Variants in PRKG1 observed in about 807,000 individuals in gnomAD.
PRKG1 encodes protein kinase cGMP-dependent 1.
A neutral mutation model predicts 88.1 loss-of-function variants in PRKG1; 35 were observed. That is an observed-to-expected ratio of 0.40 (90% CI 0.30 to 0.53). PRKG1 has a LOEUF of 0.53. PRKG1 is among the 20% of genes least tolerant of loss of function. The pLI is 0.59. For synonymous variants in PRKG1, 303 were observed against 292.5 expected (o/e 1.04, Z -0.37); for missense variants, 540 against 839.8 (o/e 0.64, Z 4.41).
At chr10:52,001,367 A>C (rs1398779064) in intron 5 of PRKG1, among the ~76,000 whole-genome samples, 1 of 151,232 alleles carries the variant, frequency 6.6e-6, no homozygotes, top group African/African-American at 2.4e-5. Flanking sequence ...CTCACCATAA[A>C]AAAAAAAAAC....
chr10:51,460,044 C>T (rs1392420784), intron 2 of PRKG1, among the ~76,000 whole-genome samples: 6 of 152,078 alleles, frequency 3.9e-5, no homozygotes, highest in Non-Finnish European at 7.4e-5. Flanking sequence ...TCTGGCACTA[C>T]TGACACTGGG....
intron 3 of PRKG1, among the ~76,000 whole-genome samples, chr10:51,777,631 G>C (rs1360572450): frequency 6.6e-6 from 1 of 152,084 alleles, no homozygotes; most frequent in East Asian, 1.9e-4. Flanking sequence ...TTATTGCCAA[G>C]AGTCCATAGT....
chr10:52,048,981 G>C (rs573929833), intron 5 of PRKG1, among the ~76,000 whole-genome samples: 1 of 152,090 alleles, frequency 6.6e-6, no homozygotes, highest in African/African-American at 2.4e-5. Flanking sequence ...TCCAGGTAAC[G>C]GGGGGAGGAG....
intron 3 of PRKG1, among the ~76,000 whole-genome samples, chr10:51,676,789 G>A (rs1840722450): frequency 6.6e-6 from 1 of 152,142 alleles, no homozygotes; most frequent in Admixed American, 6.6e-5. Flanking sequence ...AATAGCGGGT[G>A]TCTCATTAAT....
At chr10:52,038,029 C>T (rs535856330) in intron 5 of PRKG1, among the ~76,000 whole-genome samples, 53 of 152,244 alleles carry the variant, frequency 3.5e-4, no homozygotes, top group Non-Finnish European at 6.9e-4. Flanking sequence ...TATTTTACGA[C>T]AAGAATTACT....
At chr10:52,107,343 C>A (rs1202676719) in intron 7 of PRKG1, among the ~76,000 whole-genome samples, 1 of 152,166 alleles carries the variant, frequency 6.6e-6, no homozygotes, top group African/African-American at 2.4e-5. Context: ...CTCTGTTCTG[C>A]TGTATTTTAA....
chr10:51,485,979 T>C (rs1840524216), intron 3 of PRKG1, among the ~76,000 whole-genome samples: 1 of 152,216 alleles, frequency 6.6e-6, no homozygotes, highest in South Asian at 2.1e-4. Context: ...CATCTCTTCA[T>C]TTTATAAAGA....
chr10:51,650,904 C>T (rs1011986847), intron 3 of PRKG1, among the ~76,000 whole-genome samples: 1 of 152,156 alleles, frequency 6.6e-6, no homozygotes, highest in Non-Finnish European at 1.5e-5. Context: ...CCTGTGATCT[C>T]ACCAAAAGTA....
chr10:51,723,614 T>C (rs1287760817), intron 3 of PRKG1, among the ~76,000 whole-genome samples: 9 of 106,790 alleles, frequency 8.4e-5, no homozygotes, highest in Non-Finnish European at 1.5e-4. Context: ...ACTTAAAGCA[T>C]GACAAAAAAA....
At chr10:51,758,675 AT>A (rs1010214686) in intron 3 of PRKG1, among the ~76,000 whole-genome samples, 3 of 150,210 alleles carry the variant, frequency 2.0e-5, no homozygotes, top group African/African-American at 7.3e-5. Flanking sequence ...CAGGCCTGTG[AT>A]TTTTTTTTTA....
chr10:51,393,023 G>C (rs167136), intron 2 of PRKG1, among the ~76,000 whole-genome samples: 2,343 of 150,474 alleles, frequency 0.016, 78 homozygotes, highest in African/African-American at 0.055. Flanking sequence ...CTTCCCAGAC[G>C]GGGTGGTTGC....
chr10:51,844,738 T>C (rs1245656790), intron 4 of PRKG1, among the ~76,000 whole-genome samples: 1 of 152,048 alleles, frequency 6.6e-6, no homozygotes, highest in Non-Finnish European at 1.5e-5. Context: ...ACTGGGCAGG[T>C]CAATAAATAG....
At chr10:52,193,563 C>CAAAAAAAAAAAAAAAAAAA (rs67349420) in intron 9 of PRKG1, among the ~76,000 whole-genome samples, 8 of 118,492 alleles carry the variant, frequency 6.8e-5, no homozygotes, top group African/African-American at 2.7e-4. Flanking sequence ...AAAAAAAAAA[C>CAAAAAAAAAAAAAAAAAAA]AAAAAAAAAA....
chr10:51,854,313 A>G (rs1466804094), intron 4 of PRKG1, among the ~76,000 whole-genome samples: 1 of 152,152 alleles, frequency 6.6e-6, no homozygotes, highest in Non-Finnish European at 1.5e-5. Flanking sequence ...CAGCTCACTG[A>G]GAAGACAAAT....
chr10:51,984,330 T>A (rs1241572626), intron 5 of PRKG1, among the ~76,000 whole-genome samples: 1 of 152,242 alleles, frequency 6.6e-6, no homozygotes, highest in Non-Finnish European at 1.5e-5. Flanking sequence ...TAAAGTGGCA[T>A]TGGTAACTGC....
chr10:51,069,756 A>G (rs966445561), upstream of PRKG1, among the ~76,000 whole-genome samples: 1 of 152,134 alleles, frequency 6.6e-6, no homozygotes, highest in African/African-American at 2.4e-5. Context: ...AAATATTTAT[A>G]AACTAGAGAA....
At chr10:51,508,821 T>G (rs1261899658) in intron 3 of PRKG1, among the ~76,000 whole-genome samples, 1 of 152,180 alleles carries the variant, frequency 6.6e-6, no homozygotes, top group Admixed American at 6.5e-5. Flanking sequence ...TAATCTACCT[T>G]GTATAAAAGT....
chr10:52,255,926 C>A (rs1193678260), intron 10 of PRKG1, among the ~76,000 whole-genome samples: 1 of 151,462 alleles, frequency 6.6e-6, no homozygotes, highest in East Asian at 1.9e-4. Context: ...CTTTCATGTT[C>A]ATTGTATAAT....
chr10:51,905,461 A>G (rs994247935), intron 4 of PRKG1, among the ~76,000 whole-genome samples: 2 of 152,184 alleles, frequency 1.3e-5, no homozygotes, highest in African/African-American at 2.4e-5. Flanking sequence ...TAAGTCAAAC[A>G]TCAGGCATAC....
Sources: gnomAD v4.1 joint callset for allele counts (sites outside exome capture counted in the v4.1 genomes callset) on GRCh38, gnomAD v4.1.1 for gene constraint, MANE v1.5 for transcripts, NCBI Gene and HGNC (gene_info 2026-07-23, HGNC 2026-07-21) for gene names.